The following ARHGAP19 variants were observed in gnomAD, a reference collection of about 807,000 sequenced individuals.
ARHGAP19 encodes Rho GTPase activating protein 19.
In ARHGAP19, 48 loss-of-function variants were observed where a neutral mutation model predicts 60.9. The ratio of observed to expected loss-of-function variants is 0.79; its 90% CI spans 0.62 to 1.00. The LOEUF (loss-of-function observed/expected upper bound fraction) is 1.00, where lower values mean the gene tolerates loss of function less well. Among genes scored for constraint, ARHGAP19 ranks in the 50% least tolerant of loss-of-function variants. ARHGAP19 has a pLI of 0.00. For missense variants in ARHGAP19, 562 were observed against 597.2 expected (o/e 0.94, Z 0.61); for synonymous variants, 209 against 215.5 (o/e 0.97, Z 0.27).
intron 3 of ARHGAP19, among the ~76,000 whole-genome samples, chr10:97,264,129 C>T (rs1369216469): frequency 6.6e-6 from 1 of 152,126 alleles, no homozygotes; most frequent in African/African-American, 2.4e-5. Flanking sequence ...AAGAGATTCC[C>T]AGAAGCTTTA....
chr10:97,239,202 A>G (rs560119869), intron 8 of ARHGAP19, among the ~76,000 whole-genome samples: 15 of 152,348 alleles, frequency 9.8e-5, no homozygotes, highest in African/African-American at 3.6e-4. Context: ...ACTATAAAGA[A>G]AAAGGGAGTG....
chr10:97,283,940 T>C (rs11189094), intron 1 of ARHGAP19, among the ~76,000 whole-genome samples: 6,188 of 151,910 alleles, frequency 0.041, 203 homozygotes, highest in Non-Finnish European at 0.061. Context: ...TCCTTTTTTT[T>C]TCTTTTTTTT....
chr10:97,227,900 G>T (rs1304407285), intron 11 of ARHGAP19, among the ~76,000 whole-genome samples: 2 of 152,142 alleles, frequency 1.3e-5, no homozygotes, highest in African/African-American at 4.8e-5. Flanking sequence ...TCTTTCCAAG[G>T]TAGAGCTGTC....
At chr10:97,266,675 A>G (rs1423284695) in intron 1 of ARHGAP19, among the ~76,000 whole-genome samples, 1 of 152,212 alleles carries the variant, frequency 6.6e-6, no homozygotes, top group Non-Finnish European at 1.5e-5. Context: ...ACAGTTCCAC[A>G]TGACTGGGGA....
chr10:97,283,857 C>T (rs1843119844), intron 1 of ARHGAP19, among the ~76,000 whole-genome samples: 1 of 148,096 alleles, frequency 6.8e-6, no homozygotes. Context: ...AAAACTGTCT[C>T]AATATTAATA....
At chr10:97,273,268 T>G (rs1303260749) in intron 1 of ARHGAP19, among the ~76,000 whole-genome samples, 4 of 152,078 alleles carry the variant, frequency 2.6e-5, no homozygotes, top group Non-Finnish European at 1.5e-5. Flanking sequence ...ATTCAAGCAA[T>G]TCTCGTGCCT....
chr10:97,232,443 G>A lies in ARHGAP19; in HGVS notation c.1285-2569C>T, dbSNP rs112113789. On this transcript the variant is annotated intron_variant, in intron 9 of 11. Transcript: ENST00000358531. ...CTCCCAAAGTACTGGGATTACAGGC[G>A]TGAGCCACTGTGCGCGGCCTCTGCC... 2.8e-3 allele frequency among the ~76,000 whole-genome samples: 424 copies of A among 152,142 alleles called. 2 individuals carry two copies. The highest frequency in any genetic ancestry group is 9.0e-3 in the African/African-American group (372 of 41,520).
intron 1 of ARHGAP19, among the ~76,000 whole-genome samples, chr10:97,290,879 T>C (rs1293181204): frequency 6.6e-6 from 1 of 152,018 alleles, no homozygotes; most frequent in African/African-American, 2.4e-5. Context: ...AGGAAGCAGT[T>C]AGGGCGGTCA....
chr10:97,241,641 A>G (rs1415137488), intron 8 of ARHGAP19, among the ~76,000 whole-genome samples: 1 of 148,932 alleles, frequency 6.7e-6, no homozygotes, highest in African/African-American at 2.5e-5. Flanking sequence ...TGAACCCAGG[A>G]GGCAGAGGTG....
Position 97,229,873 on chromosome 10 carries a change from C to T in ARHGAP19, c.1286G>A (p.Arg429Gln), listed in dbSNP as rs368334954. Residue 429 changes from arginine (R) to glutamine (Q), a missense_variant and splice_region_variant, in exon 10 of 12, where the codon CGG (arginine) becomes CAG (glutamine). Physicochemically the swap from Arg to Gln is conservative, Grantham distance 43. Coordinates refer to ENST00000358531, the MANE Select transcript of ARHGAP19 (RefSeq NM_032900.6). ...CATCATCTGATTTCCCAGGACCTTC[C>T]GCTGATTTAAGAACAGAAAACATTT... ...RSRSFSGLIK[R>Q]KVLGNQMMSE... 36 of 1,597,222 alleles carry T rather than the reference C, an allele frequency of 2.3e-5. No homozygotes were observed. The highest frequency in any genetic ancestry group is 2.7e-5 in the Non-Finnish European group (32 of 1,168,402).
intron 10 of ARHGAP19, 73 bp from the exon 11 acceptor site, chr10:97,229,298 G>T: frequency 1.7e-6 from 2 of 1,205,562 alleles, no homozygotes; most frequent in Non-Finnish European, 2.5e-6. Flanking sequence ...ACTAACAAAT[G>T]AATTATTTGT....
intron 1 of ARHGAP19, among the ~76,000 whole-genome samples, chr10:97,268,177 C>T (rs987296401): frequency 1.3e-5 from 2 of 152,212 alleles, no homozygotes; most frequent in African/African-American, 4.8e-5. Context: ...GGGCAAAATG[C>T]CACCAGTCTC....
Position 97,246,407 on chromosome 10 carries a change from G to C in ARHGAP19, c.928-70C>G, listed in dbSNP as rs866703644. ...ATATAACATTCTTTCAGGCCGCAAG[G>C]ACAGTGGTTCTCAAAATCATTTGAC... On this transcript the variant is annotated intron_variant, in intron 6 of 11. Coordinates refer to ENST00000358531, the MANE Select transcript of ARHGAP19 (RefSeq NM_032900.6). 454 of 1,224,632 alleles carry C rather than the reference G, an allele frequency of 3.7e-4. 1 individual carries two copies. In the Middle Eastern group the frequency reaches 5.3e-3, roughly 14 times the overall value. 75.9% of individuals were successfully genotyped at this position (1,224,632 alleles called of 1,614,324 possible). A position where few individuals can be genotyped will look rare whatever the true frequency, so the allele number is the denominator to read the frequency against.
intron 3 of ARHGAP19, 133 bp downstream of exon 3, chr10:97,264,693 C>T: frequency 3.4e-6 from 2 of 592,988 alleles, no homozygotes; most frequent in African/African-American, 1.9e-5. Context: ...TAAAAACATG[C>T]CACCCAAAAT....
intron 6 of ARHGAP19, 45 bp downstream of exon 6, chr10:97,256,273 C>T (rs1842751285): frequency 6.9e-7 from 1 of 1,441,662 alleles, no homozygotes; most frequent in Admixed American, 1.7e-5. Flanking sequence ...CACCTTGCTC[C>T]ATTTTCTTTG....
intron 6 of ARHGAP19, among the ~76,000 whole-genome samples, chr10:97,248,232 T>C (rs1273966292): frequency 6.6e-6 from 1 of 152,020 alleles, no homozygotes; most frequent in Non-Finnish European, 1.5e-5. Flanking sequence ...CTGGGCAACA[T>C]GGTGAGACCC....
chr10:97,249,750 T>A (rs1233564291), intron 6 of ARHGAP19, among the ~76,000 whole-genome samples: 1 of 151,828 alleles, frequency 6.6e-6, no homozygotes, highest in Non-Finnish European at 1.5e-5. Flanking sequence ...AGCTAGTTGA[T>A]AAGAAATTCT....
intron 1 of ARHGAP19, chr10:97,270,691 C>G (rs1459779720): frequency 2.1e-5 from 32 of 1,540,782 alleles, no homozygotes; most frequent in Non-Finnish European, 2.7e-5. Flanking sequence ...GACAAAGAAA[C>G]TCTCCTTTCC....
intron 1 of ARHGAP19, among the ~76,000 whole-genome samples, chr10:97,266,677 G>A (rs1480799649): frequency 6.6e-6 from 1 of 152,176 alleles, no homozygotes; most frequent in Non-Finnish European, 1.5e-5. Flanking sequence ...AGTTCCACAT[G>A]ACTGGGGAGG....
Sources: gnomAD v4.1 joint callset for allele counts (sites outside exome capture counted in the v4.1 genomes callset) on GRCh38, gnomAD v4.1.1 for gene constraint, MANE v1.5 for transcripts, NCBI Gene and HGNC (gene_info 2026-07-23, HGNC 2026-07-21) for gene names.